POLE: variants seen among roughly 807,000 people sequenced by gnomAD.
POLE encodes DNA polymerase epsilon, catalytic subunit.
POLE carries 188 observed loss-of-function variants against 279.2 expected under a neutral mutation model. The ratio of observed to expected loss-of-function variants is 0.67; its 90% CI spans 0.60 to 0.76. The LOEUF (loss-of-function observed/expected upper bound fraction) is 0.76. Ranked by LOEUF, POLE falls within the 30% of genes least tolerant of loss-of-function variation. The probability of loss-of-function intolerance (pLI) is 0.00; values close to 1 mark genes in which losing one functional copy is unlikely to be tolerated. For missense variants in POLE, 2,703 were observed against 3,016.7 expected (o/e 0.90, Z 2.44); for synonymous variants, 1,214 against 1,172.5 (o/e 1.04, Z -0.72).
Position 132,625,304 on chromosome 12 carries a change from G to A in POLE, c.6658-310C>T, listed in dbSNP as rs775439609. The A allele has an allele frequency of 2.5e-4, 182 of 724,450 alleles. 2 individuals are homozygous for A. The highest frequency in any genetic ancestry group is 2.0e-3 in the South Asian group (146 of 72,764). The allele number at this position is 724,450 out of a possible 1,614,324, so 44.9% of individuals were successfully genotyped here. A position where few individuals can be genotyped will look rare whatever the true frequency, so the allele number is the denominator to read the frequency against. On this transcript the variant is annotated intron_variant, in intron 47 of 48. Transcript: ENST00000320574. Reference sequence around the variant, plus strand: ...GTGCACCACCACACGGCAGCTTGGCGCGTCCCCCAGCCTCTGCTCAGATGC... The same window carrying A: ...GTGCACCACCACACGGCAGCTTGGCACGTCCCCCAGCCTCTGCTCAGATGC...
chr12:132,675,513 A>G lies in POLE; in HGVS notation c.1111T>C (p.Phe371Leu), dbSNP rs1565975308. 4 of 1,613,878 alleles carry G rather than the reference A, an allele frequency of 2.5e-6. No homozygotes were observed. Among genetic ancestry groups the G allele is most frequent in the Non-Finnish European group, 2.5e-6 (3 of 1,179,986 alleles). Residue 371 changes from phenylalanine (F) to leucine (L), a missense_variant, in exon 12 of 49, where the codon TTT becomes CTT. Phe to Leu is a conservative substitution (Grantham distance 22). Transcript: ENST00000320574. This position sits in a 1 kb window ranked among gnomAD's most constrained non-coding sequence, Gnocchi z 4.3. ...TGGACTGCTGCCCGGGCCTCCACAA[A>G]TGGCCTGGGTTGGAAAGAGGACAGA... ...TYNGDFFDWP[F>L]VEARAAVHGL...
chr12:132,676,026 C>T, intron 10 of POLE, 68 bp downstream of exon 10: 1 of 1,090,898 alleles, frequency 9.2e-7, no homozygotes, highest in Non-Finnish European at 1.4e-6. Flanking sequence ...ATGCCTGAGG[C>T]CTTGGAAAGA....
intron 32 of POLE, 58 bp downstream of exon 32, chr12:132,648,871 G>A (rs2138594827): frequency 2.6e-6 from 4 of 1,558,006 alleles, no homozygotes; most frequent in Non-Finnish European, 8.7e-7. Flanking sequence ...GCTAGATCAT[G>A]GGAAAGCCAC....
Position 132,648,229 on chromosome 12 carries a change from G to T in POLE, c.4149+700C>A, listed in dbSNP as rs542299254. On this transcript the variant is annotated intron_variant, in intron 32 of 48. Coordinates refer to ENST00000320574, the MANE Select transcript of POLE (RefSeq NM_006231.4). ...TCCATTTACATCAAATGCCCAAACA[G>T]GCAAACCCAGAGACAGGAAGTGGAT... Among the ~76,000 whole-genome samples the T allele has an allele frequency of 1.1e-4, 17 of 152,210 alleles. No homozygotes were observed. The South Asian group carries it at 3.3e-3, about 30-fold the overall frequency.
At chr12:132,641,423 G>A (rs1387391300) in intron 39 of POLE, 10 of 583,614 alleles carry the variant, frequency 1.7e-5, no homozygotes, top group Non-Finnish European at 2.8e-5. Flanking sequence ...TCTGGCCACA[G>A]GGAGGTCAGA....
chr12:132,672,314 G>A lies in POLE; in HGVS notation c.1695C>T (p.Ala565=), dbSNP rs139748472. The A allele has an allele frequency of 1.7e-4, 282 of 1,613,802 alleles. No homozygotes were observed. Among genetic ancestry groups the A allele is most frequent in the South Asian group, 3.8e-4 (35 of 91,070 alleles). Residue 565 remains alanine (A), a synonymous_variant, in exon 16 of 49, where the codon GCC becomes GCT. Transcript: ENST00000320574. ...DIPCRFRMNP[A]AFDFLLQRVE... Reference sequence around the variant, plus strand: ...CCCGCTGCAGCAGGAAGTCAAAGGCGGCAGGATTCTAGCACAACAGTGAGA... The same window carrying A: ...CCCGCTGCAGCAGGAAGTCAAAGGCAGCAGGATTCTAGCACAACAGTGAGA...
intron 23 of POLE, among the ~76,000 whole-genome samples, chr12:132,662,524 T>G (rs1160414055): frequency 6.6e-6 from 1 of 152,176 alleles, no homozygotes. Context: ...CAGTTCTGTG[T>G]GCGTGCGTTA....
chr12:132,680,070 G>T, intron 4 of POLE, 24 bp from the exon 5 acceptor site: 1 of 1,598,076 alleles, frequency 6.3e-7, no homozygotes. Context: ...GAATGAAAAG[G>T]CTTTCCATTG....
chr12:132,634,968 G>A lies in POLE; in HGVS notation c.5812-590C>T, dbSNP rs915653145. Among the ~76,000 whole-genome samples the A allele has an allele frequency of 6.6e-6, 1 of 152,148 alleles. No homozygotes were observed. The highest frequency in any genetic ancestry group is 1.5e-5 in the Non-Finnish European group (1 of 68,022). ...AGAATCGCTCCCATCCAGGTGTCCT[G>A]GGCAGTCTTGGCTTCATCCTGCCAG... On this transcript the variant is annotated intron_variant, in intron 42 of 48. Transcript: ENST00000320574. The surrounding 1 kb of genome is among the most constrained non-coding windows in gnomAD (Gnocchi z 4.0).
chr12:132,658,881 CAAAAAAAAAAAAA>C (rs1167117347), intron 26 of POLE, among the ~76,000 whole-genome samples: 21 of 33,840 alleles, frequency 6.2e-4, no homozygotes, highest in South Asian at 4.6e-3. Context: ...ATATAACCAC[CAAAAAAAAAAAAA>C]AAAAAAAAAA....
chr12:132,673,438 G>T, intron 13 of POLE, 137 bp downstream of exon 13: 1 of 1,313,646 alleles, frequency 7.6e-7, no homozygotes, highest in Non-Finnish European at 1.1e-6. Context: ...CAGCCTGCTG[G>T]GTGGAGCGGG....
intron 46 of POLE, 116 bp from the exon 47 acceptor site, chr12:132,625,886 C>CAGAG: frequency 2.2e-6 from 3 of 1,390,858 alleles, no homozygotes; most frequent in Non-Finnish European, 2.9e-6. Flanking sequence ...GGCGAGTCTC[C>CAGAG]TGAGTGCAGC....
Position 132,657,214 on chromosome 12 carries a change from G to C in POLE, c.3504C>G (p.His1168Gln). ...VPRVKHPDWL[H>Q]KKLLEKNDVY... ...CATCATTCTTCTCCAGCAGTTTTTT[G>C]TGCAGCCAGTCGGGGTGTTTGACAC... The change falls in exon 29 of 49, where the codon CAC becomes CAG. Residue 1168 changes from histidine (H) to glutamine (Q), a missense_variant. Physicochemically the swap from His to Gln is conservative, Grantham distance 24. Coordinates refer to ENST00000320574, the MANE Select transcript of POLE (RefSeq NM_006231.4). 1 of 1,613,922 alleles carries C rather than the reference G, an allele frequency of 6.2e-7. No individual in the cohort carries two copies. Among genetic ancestry groups the C allele is most frequent in the Non-Finnish European group, 8.5e-7 (1 of 1,179,934 alleles).
chr12:132,680,458 G>C, intron 3 of POLE, 149 bp downstream of exon 3: 1 of 690,726 alleles, frequency 1.4e-6, no homozygotes, highest in Admixed American at 2.5e-5. Context: ...GACATCTTAC[G>C]TGATGACTGA....
chr12:132,660,968 C>T lies in POLE; in HGVS notation c.3060+1G>A, dbSNP rs1593775696. Reference sequence around the variant, plus strand: ...GGTGAGGGTGGAGGGTAGGCCTTTACCTTGCTGTACAGCACGTCCAGCCAG... The same window carrying T: ...GGTGAGGGTGGAGGGTAGGCCTTTATCTTGCTGTACAGCACGTCCAGCCAG... On this transcript the variant is annotated splice_donor_variant, in intron 25 of 48. Transcript: ENST00000320574. LOFTEE classifies it high-confidence loss of function. 2.5e-6 allele frequency: 4 copies of T among 1,600,096 alleles called. No individual in the cohort carries two copies. The highest frequency in any genetic ancestry group is 3.4e-6 in the Non-Finnish European group (4 of 1,172,692).
At chr12:132,685,683 C>A (rs2043243211) in intron 1 of POLE, among the ~76,000 whole-genome samples, 1 of 152,206 alleles carries the variant, frequency 6.6e-6, no homozygotes. Flanking sequence ...CAGTCAGTAA[C>A]CGTCTCTAAG....
At position 132,680,670 on chromosome 12, in the gene POLE, T is replaced by C; in HGVS notation, c.222A>G (p.Glu74=). The change falls in exon 3 of 49, where the codon GAA becomes GAG. Residue 74 remains glutamate (E), a synonymous_variant. Transcript: ENST00000320574. Reference sequence around the variant, plus strand: ...CCACTGCACTGCCTAAGCGCTTATCTTCATCTAAAATCTCGGTCTACAAGA... The same window carrying C: ...CCACTGCACTGCCTAAGCGCTTATCCTCATCTAAAATCTCGGTCTACAAGA... ...INMHPTEILD[E]DKRLGSAVDY... The C allele has an allele frequency of 6.2e-7, 1 of 1,613,666 alleles. No homozygotes were observed. Among genetic ancestry groups the C allele is most frequent in the Non-Finnish European group, 8.5e-7 (1 of 1,179,566 alleles).
Position 132,681,187 on chromosome 12 carries a change from C to G in POLE, c.155G>C (p.Arg52Pro), listed in dbSNP as rs372459649. ...TGTCTTCTCACCAGGCTCCTTCAGCCGCTCAAAACCAAACCGCAAATCCAT... is the reference window on the plus strand; with the variant it reads ...TGTCTTCTCACCAGGCTCCTTCAGCGGCTCAAAACCAAACCGCAAATCCAT... ...DKMDLRFGFE[R>P]LKEPGEKTGW... Residue 52 changes from arginine to proline, a missense_variant, in exon 2 of 49, where the codon CGG becomes CCG. Coordinates refer to ENST00000320574, the MANE Select transcript of POLE (RefSeq NM_006231.4). 1 of 1,614,134 alleles carries G rather than the reference C, an allele frequency of 6.2e-7. No homozygotes were observed. Among genetic ancestry groups the G allele is most frequent in the Non-Finnish European group, 8.5e-7 (1 of 1,180,026 alleles).
intron 6 of POLE, 57 bp downstream of exon 6, chr12:132,679,440 C>A: frequency 6.5e-7 from 1 of 1,539,928 alleles, no homozygotes; most frequent in South Asian, 1.2e-5. Flanking sequence ...GTTCCTGTCT[C>A]CTATCCATCT....
Sources: gnomAD v4.1 joint callset for allele counts (sites outside exome capture counted in the v4.1 genomes callset) on GRCh38, gnomAD v4.1.1 for gene constraint, Gnocchi (gnomAD v3.1) non-coding constraint, MANE v1.5 for transcripts, NCBI Gene and HGNC (gene_info 2026-07-23, HGNC 2026-07-21) for gene names.